Variants in COLGALT1 observed in about 807,000 individuals in gnomAD.
COLGALT1 encodes the protein collagen beta(1-O)galactosyltransferase 1, also known as procollagen galactosyltransferase 1.
A neutral mutation model predicts 60.8 loss-of-function variants in COLGALT1; 43 were observed. The ratio of observed to expected loss-of-function variants is 0.71; its 90% CI spans 0.55 to 0.91. The LOEUF is 0.91. COLGALT1 is among the 40% of genes least tolerant of loss of function. COLGALT1 has a pLI of 0.00. For missense variants in COLGALT1, 845 were observed against 880.0 expected, an observed-to-expected ratio of 0.96 and a Z score of 0.50; for synonymous variants, 369 against 374.2, an observed-to-expected ratio of 0.99 and a Z score of 0.16.
At chr19:17,567,105 A>G (rs1356387890) in intron 3 of COLGALT1, among the ~76,000 whole-genome samples, 1 of 150,720 alleles carries the variant, frequency 6.6e-6, no homozygotes, top group Non-Finnish European at 1.5e-5. Context: ...ACAGAGCGAG[A>G]CTCCGTCTCA....
Position 17,577,434 on chromosome 19 carries a change from T to C in COLGALT1, c.1100T>C (p.Ile367Thr). Residue 367 changes from isoleucine (I) to threonine (T), a missense_variant, in exon 8 of 12, where the codon ATC becomes ACC. Ile to Thr is a moderately conservative substitution (Grantham distance 89). Coordinates refer to ENST00000252599, the MANE Select transcript of COLGALT1 (RefSeq NM_024656.4). ...RMLRALQAQE[I>T]ECRLVEAVDG... is the part of the protein sequence containing the mutation. Reference sequence around the variant, plus strand: ...CTGCGGGCGCTGCAGGCACAGGAGATCGAGTGCCGGCTGGTGGAGGCCGTG... The same window carrying C: ...CTGCGGGCGCTGCAGGCACAGGAGACCGAGTGCCGGCTGGTGGAGGCCGTG... 1 of 1,205,508 alleles carries C rather than the reference T, an allele frequency of 8.3e-7. No individual in the cohort carries two copies. Among genetic ancestry groups the C allele is most frequent in the Admixed American group, 3.3e-5 (1 of 29,910 alleles). 74.7% of individuals were successfully genotyped at this position (1,205,508 alleles called of 1,614,324 possible). A position where few individuals can be genotyped will look rare whatever the true frequency, so the allele number is the denominator to read the frequency against.
rs1455697444 is a variant in COLGALT1, at chr19:17,572,453, A to G, written c.830-30A>G. 4.3e-6 allele frequency: 7 copies of G among 1,613,648 alleles called. No individual in the cohort carries two copies. In the South Asian group the frequency reaches 5.5e-5, roughly 13 times the overall value. ...GCCACTGGGCCTCGCCTGTTTTTACATTTGTCTGTTGCTTCCCTGCCCACT... is the reference window on the plus strand; with the variant it reads ...GCCACTGGGCCTCGCCTGTTTTTACGTTTGTCTGTTGCTTCCCTGCCCACT... On this transcript the variant is annotated intron_variant, in intron 5 of 11. Coordinates refer to ENST00000252599, the MANE Select transcript of COLGALT1 (RefSeq NM_024656.4).
chr19:17,556,061 C>T, intron 1 of COLGALT1, 88 bp downstream of exon 1: 3 of 1,233,496 alleles, frequency 2.4e-6, no homozygotes, highest in Non-Finnish European at 3.1e-6. Context: ...GAGCCCCTGC[C>T]CGCTGTCCTC....
At chr19:17,580,278 C>CT (rs1009720529) in intron 10 of COLGALT1, 7 of 233,480 alleles carry the variant, frequency 3.0e-5, no homozygotes, top group East Asian at 1.2e-4. Context: ...TCCTCCATCT[C>CT]TTTTTTCCCT....
chr19:17,566,567 T>C (rs1319115609), intron 3 of COLGALT1, among the ~76,000 whole-genome samples: 1 of 152,036 alleles, frequency 6.6e-6, no homozygotes, highest in African/African-American at 2.4e-5. Flanking sequence ...AGGATCGCTT[T>C]GAGCCCAGGA....
chr19:17,574,581 C>T (rs558391960), intron 6 of COLGALT1, among the ~76,000 whole-genome samples: 52 of 152,234 alleles, frequency 3.4e-4, no homozygotes, highest in African/African-American at 1.1e-3. Context: ...CCACCTGCCT[C>T]GGCCTCCCAG....
At position 17,577,178 on chromosome 19, in the gene COLGALT1, A is replaced by G; in HGVS notation, c.950-17A>G. The G allele has an allele frequency of 1.9e-6, 3 of 1,612,362 alleles. No individual in the cohort carries two copies. Among genetic ancestry groups the G allele is most frequent in the East Asian group, 2.2e-5 (1 of 44,824 alleles). On this transcript the variant is annotated splice_polypyrimidine_tract_variant and intron_variant, in intron 6 of 11. Transcript: ENST00000252599. ...GGCTCCTTACCCCAGCGACTCCTCA[A>G]CGTCTGTGCCCCACAGTGAAGCACC... is the stretch of plus-strand genomic sequence containing the variant.
At chr19:17,567,260 CGGG>C in intron 3 of COLGALT1, 143 bp from the exon 4 acceptor site, 2 of 1,030,124 alleles carry the variant, frequency 1.9e-6, no homozygotes, top group East Asian at 5.0e-5. Flanking sequence ...GCCCCCAAAA[CGGG>C]GTCCCTGCTT....
At chr19:17,570,420 T>A (rs1008437348) in intron 5 of COLGALT1, among the ~76,000 whole-genome samples, 12 of 151,130 alleles carry the variant, frequency 7.9e-5, no homozygotes, top group East Asian at 3.9e-4. Context: ...AAAAAAAAAA[T>A]GTTTTTGTAG....
chr19:17,571,153 C>T (rs1270746423), intron 5 of COLGALT1, among the ~76,000 whole-genome samples: 1 of 152,116 alleles, frequency 6.6e-6, no homozygotes, highest in Non-Finnish European at 1.5e-5. Context: ...TGTAGTGGCT[C>T]ATGCCTGTAA....
At position 17,555,838 on chromosome 19, in the gene COLGALT1, G is replaced by A. The variant is rs1013121754; in HGVS notation, c.125G>A (p.Arg42His). The change falls in exon 1 of 12, where the codon CGC becomes CAC. Residue 42 changes from arginine to histidine, a missense_variant. Coordinates refer to ENST00000252599, the MANE Select transcript of COLGALT1 (RefSeq NM_024656.4). ...GCCGACGCCTACTTCCCCGAGGAGC[G>A]CTGGAGCCCGGAGTCGCCCCTGCAG... ...PGADAYFPEE[R>H]WSPESPLQAP... 2.0e-5 allele frequency: 27 copies of A among 1,340,882 alleles called. No homozygotes were observed. The highest frequency in any genetic ancestry group is 2.5e-5 in the Non-Finnish European group (26 of 1,042,928). 83.1% of individuals were successfully genotyped at this position (1,340,882 alleles called of 1,614,324 possible). A position where few individuals can be genotyped will look rare whatever the true frequency, so the allele number is the denominator to read the frequency against.
intron 10 of COLGALT1, chr19:17,580,167 G>A (rs867629403): frequency 5.8e-5 from 11 of 190,272 alleles, no homozygotes; most frequent in Admixed American, 1.1e-4. Flanking sequence ...TGGCCAGGGC[G>A]CCTGGTCTTA....
chr19:17,572,409 C>T (rs572462254), intron 5 of COLGALT1, 74 bp from the exon 6 acceptor site: 7 of 1,604,714 alleles, frequency 4.4e-6, no homozygotes, highest in South Asian at 2.2e-5. Flanking sequence ...CTCCTGAAGC[C>T]GTGGGATGGA....
In COLGALT1 at chr19:17,581,488, C is replaced by T. The variant is rs1207235910; in HGVS notation, c.*44C>T. The T allele has an allele frequency of 6.3e-7, 1 of 1,576,216 alleles. No homozygotes were observed. The highest frequency in any genetic ancestry group is 8.6e-7 in the Non-Finnish European group (1 of 1,166,400). Reference sequence around the variant, plus strand: ...CCAAAGCAGCCATCGGTGGCCCAGGCTCCACGTGCTTACTGAGGACATCAG... The same window carrying T: ...CCAAAGCAGCCATCGGTGGCCCAGGTTCCACGTGCTTACTGAGGACATCAG... On this transcript the variant is annotated 3_prime_UTR_variant, in exon 12 of 12. Transcript: ENST00000252599.
At chr19:17,557,643 C>A (rs901719666) in intron 1 of COLGALT1, among the ~76,000 whole-genome samples, 2 of 152,132 alleles carry the variant, frequency 1.3e-5, no homozygotes, top group African/African-American at 4.8e-5. Context: ...CATCTGTCGC[C>A]CAGGCGGGAG....
In COLGALT1 at chr19:17,559,315, G is replaced by T; in HGVS notation, c.265G>T (p.Ala89Ser). 1 of 1,551,562 alleles carries T rather than the reference G, an allele frequency of 6.4e-7. No homozygotes were observed. Among genetic ancestry groups the T allele is most frequent in the East Asian group, 2.4e-5 (1 of 40,922 alleles). The change falls in exon 2 of 12, where the codon GCT (alanine) becomes TCT (serine). Residue 89 changes from alanine (A) to serine (S), a missense_variant. Coordinates refer to ENST00000252599, the MANE Select transcript of COLGALT1 (RefSeq NM_024656.4). ...GCCTGTCCCCTCTCCCTGCAGGGTG[G>T]CTACGGACCACAACATGGATAACAC... ...HPRERTALWV[A>S]TDHNMDNTST...
chr19:17,581,349 C>T lies in COLGALT1; in HGVS notation c.1774C>T (p.Gln592Ter), dbSNP rs1280711567. The T allele has an allele frequency of 5.0e-6, 8 of 1,613,512 alleles. No individual in the cohort carries two copies. Among genetic ancestry groups the T allele is most frequent in the Non-Finnish European group, 6.8e-6 (8 of 1,179,994 alleles). ...VKTDWDRAKS[Q>*]KMREQQALSR... is the part of the protein sequence containing the mutation. The stretch of plus-strand genomic sequence containing the variant: ...GACCGACTGGGACCGCGCCAAGTCC[C>T]AGAAGATGCGGGAGCAGCAGGCACT... Residue 592 changes from glutamine (Q) to a stop codon, truncating the protein, a stop_gained, in exon 12 of 12, where the codon CAG becomes TAG. Coordinates refer to ENST00000252599, the MANE Select transcript of COLGALT1 (RefSeq NM_024656.4). LOFTEE classifies it low-confidence loss of function (END_TRUNC).
intron 5 of COLGALT1, chr19:17,571,878 C>T (rs2076314803): frequency 6.6e-6 from 1 of 151,782 alleles, no homozygotes; most frequent in African/African-American, 2.4e-5. Flanking sequence ...AGGGCCTTGC[C>T]CTGTTGCCTA....
At chr19:17,574,005 A>T (rs931052124) in intron 6 of COLGALT1, among the ~76,000 whole-genome samples, 5 of 152,170 alleles carry the variant, frequency 3.3e-5, no homozygotes, top group East Asian at 1.9e-4. Flanking sequence ...ATAAAACTTT[A>T]AAAAAATCCA....
Sources: gnomAD v4.1 joint callset for allele counts (sites outside exome capture counted in the v4.1 genomes callset) on GRCh38, gnomAD v4.1.1 for gene constraint, MANE v1.5 for transcripts, NCBI Gene and HGNC (gene_info 2026-07-23, HGNC 2026-07-21) for gene names.